TMEM248: variants seen among roughly 807,000 people sequenced by gnomAD.
The protein encoded by TMEM248 is transmembrane protein 248, also known as UPF0458 protein C7orf42.
A neutral mutation model predicts 30.3 loss-of-function variants in TMEM248; 9 were observed. That is an observed-to-expected ratio of 0.30 (90% CI 0.18 to 0.52). The LOEUF (loss-of-function observed/expected upper bound fraction) is 0.52. Among genes scored for constraint, TMEM248 ranks in the 20% least tolerant of loss-of-function variants. The pLI, the probability that TMEM248 is intolerant of heterozygous loss-of-function variation, is 0.97. For missense variants in TMEM248, 338 were observed against 403.3 expected (o/e 0.84, Z 1.39); for synonymous variants, 184 against 154.4 (o/e 1.19, Z -1.42).
intron 6 of TMEM248, among the ~76,000 whole-genome samples, chr7:66,954,097 C>T (rs918253557): frequency 1.3e-5 from 2 of 151,744 alleles, no homozygotes; most frequent in African/African-American, 4.8e-5. Context: ...GCATGTGCCA[C>T]CACACTCAGC....
In TMEM248 at chr7:66,941,918, C is replaced by G; in HGVS notation, c.53C>G (p.Pro18Arg). ...CTGAAGGTGTACATCAGCAGTCGGC[C>G]TCCCCTGGTGGTCTTCATGATCAGC... is the stretch of plus-strand genomic sequence containing the variant. The part of the protein sequence containing the change: ...ENLKVYISSR[P>R]PLVVFMISVS... Residue 18 changes from proline to arginine, a missense_variant, in exon 2 of 7, where the codon CCT becomes CGT. Transcript: ENST00000341567. 6.2e-7 allele frequency: 1 copy of G among 1,614,116 alleles called. No homozygotes were observed.
intron 2 of TMEM248, among the ~76,000 whole-genome samples, chr7:66,944,482 A>C (rs1380850265): frequency 6.6e-6 from 1 of 152,220 alleles, no homozygotes; most frequent in Admixed American, 6.5e-5. Flanking sequence ...CCAAATGAGT[A>C]TTAGTATTCA....
chr7:66,935,683 T>C lies in TMEM248; in HGVS notation c.-18-6165T>C, dbSNP rs910591965. Among the ~76,000 whole-genome samples the C allele has an allele frequency of 3.3e-5, 5 of 152,174 alleles. No individual in the cohort carries two copies. In the South Asian group the frequency reaches 1.0e-3, roughly 31 times the overall value. On this transcript the variant is annotated intron_variant, in intron 1 of 6. Coordinates refer to ENST00000341567, the MANE Select transcript of TMEM248 (RefSeq NM_017994.5). ...TCAGCCTCATGAGTAACTGGGATTA[T>C]AGATGCACACCATCGTGCCCAGCTA...
chr7:66,945,097 C>A lies in TMEM248; in HGVS notation c.281C>A (p.Ala94Asp). 1 of 1,614,248 alleles carries A rather than the reference C, an allele frequency of 6.2e-7. No homozygotes were observed. ...GAAAGTACAATGACCAGCGGGCAGG[C>A]CCGAGCTTCCACCCAGTCCCCCCAG... is the stretch of plus-strand genomic sequence containing the variant. ...TPESTMTSGQARASTQSPQAL... is the reference protein window; with the variant it reads ...TPESTMTSGQDRASTQSPQAL... Residue 94 changes from alanine to aspartate, a missense_variant, in exon 3 of 7, where the codon GCC becomes GAC. Transcript: ENST00000341567.
At chr7:66,928,291 A>G (rs1338740321) in intron 1 of TMEM248, among the ~76,000 whole-genome samples, 2 of 152,092 alleles carry the variant, frequency 1.3e-5, no homozygotes, top group African/African-American at 4.8e-5. Context: ...TGTTAAAATC[A>G]GTGACTAAAA....
intron 5 of TMEM248, among the ~76,000 whole-genome samples, chr7:66,952,073 T>C (rs543023281): frequency 6.6e-6 from 1 of 150,456 alleles, no homozygotes; most frequent in Non-Finnish European, 1.5e-5. Flanking sequence ...TTTTCTTTTT[T>C]TCTTTATTTT....
At chr7:66,938,246 C>T (rs1332312751) in intron 1 of TMEM248, among the ~76,000 whole-genome samples, 3 of 151,530 alleles carry the variant, frequency 2.0e-5, no homozygotes, top group Admixed American at 2.0e-4. Flanking sequence ...TTCTTTCTTT[C>T]CTTCCTTCCT....
chr7:66,922,499 C>G (rs973338208), intron 1 of TMEM248, among the ~76,000 whole-genome samples: 1 of 151,892 alleles, frequency 6.6e-6, no homozygotes, highest in Non-Finnish European at 1.5e-5. Context: ...GTGCATTGAC[C>G]CTAAGTGCAT....
intron 3 of TMEM248, among the ~76,000 whole-genome samples, chr7:66,946,387 G>A (rs1792107628): frequency 6.6e-6 from 1 of 151,996 alleles, no homozygotes; most frequent in Non-Finnish European, 1.5e-5. Context: ...AGACCAGTCT[G>A]GCCAACATGG....
chr7:66,933,185 G>C (rs912496254), intron 1 of TMEM248, among the ~76,000 whole-genome samples: 4 of 152,044 alleles, frequency 2.6e-5, no homozygotes, highest in Non-Finnish European at 2.9e-5. Context: ...TGGTTGTGGG[G>C]GATAAGAACT....
chr7:66,953,502 C>G, intron 6 of TMEM248, 133 bp downstream of exon 6: 1 of 1,259,550 alleles, frequency 7.9e-7, no homozygotes, highest in Non-Finnish European at 1.1e-6. Flanking sequence ...CCTTGGTATC[C>G]GAGGAGGATT....
Position 66,953,352 on chromosome 7 carries a change from G to C in TMEM248, c.907G>C (p.Glu303Gln), listed in dbSNP as rs1792317901. 6.2e-7 allele frequency: 1 copy of C among 1,613,954 alleles called. No individual in the cohort carries two copies. Among genetic ancestry groups the C allele is most frequent in the African/African-American group, 1.3e-5 (1 of 74,916 alleles). The change falls in exon 6 of 7, where the codon GAA becomes CAA. Residue 303 changes from glutamate to glutamine, a missense_variant. By Grantham distance (29) the Glu-to-Gln change is conservative. Transcript: ENST00000341567. ...RPSKLRQSNP[E>Q]FCPEKVALAE... ...TAGCAAATTGCGTCAGAGCAATCCT[G>C]AATTTTGTCCCGAGAAGGTGAGCGG...
chr7:66,949,833 C>T (rs924057862), intron 4 of TMEM248, among the ~76,000 whole-genome samples: 1 of 151,588 alleles, frequency 6.6e-6, no homozygotes, highest in East Asian at 1.9e-4. Context: ...TTTTTGGTCT[C>T]TCCTGTCTCT....
chr7:66,941,978 G>C lies in TMEM248; in HGVS notation c.113G>C (p.Gly38Ala). Residue 38 changes from glycine (G) to alanine (A), a missense_variant, in exon 2 of 7, where the codon GGC becomes GCC. Coordinates refer to ENST00000341567, the MANE Select transcript of TMEM248 (RefSeq NM_017994.5). Reference protein sequence around the residue: ...SAMAIAFLTLGYFFKIKEIKS... With the variant: ...SAMAIAFLTLAYFFKIKEIKS... ...ATGGCCATAGCTTTCCTGACCCTGG[G>C]CTACTTCTTCAAAATCAAGGAGATT... 1 of 1,614,082 alleles carries C rather than the reference G, an allele frequency of 6.2e-7. No homozygotes were observed. The highest frequency in any genetic ancestry group is 8.5e-7 in the Non-Finnish European group (1 of 1,180,016).
intron 6 of TMEM248, among the ~76,000 whole-genome samples, chr7:66,953,635 C>T (rs542990657): frequency 1.1e-4 from 16 of 152,084 alleles, no homozygotes; most frequent in African/African-American, 2.4e-4. Context: ...GATGGAGTCT[C>T]GCTCTGTCTC....
intron 5 of TMEM248, among the ~76,000 whole-genome samples, chr7:66,951,638 G>GT (rs1398477896): frequency 6.6e-6 from 1 of 151,202 alleles, no homozygotes; most frequent in Non-Finnish European, 1.5e-5. Flanking sequence ...ATCTCATCTA[G>GT]TAGCTGTGTG....
At chr7:66,951,460 C>T (rs1584416659) in intron 5 of TMEM248, 2 of 208,674 alleles carry the variant, frequency 9.6e-6, no homozygotes, top group Non-Finnish European at 1.9e-5. Flanking sequence ...TGTTCACAGA[C>T]GTTCATAGAA....
chr7:66,927,168 G>A (rs1250173927), intron 1 of TMEM248, among the ~76,000 whole-genome samples: 1 of 152,164 alleles, frequency 6.6e-6, no homozygotes, highest in Non-Finnish European at 1.5e-5. Context: ...TCCATCTTGA[G>A]ACTGTAGTGA....
intron 5 of TMEM248, 106 bp from the exon 6 acceptor site, chr7:66,953,117 AGTT>A: frequency 2.4e-6 from 3 of 1,247,470 alleles, no homozygotes; most frequent in South Asian, 1.4e-5. Flanking sequence ...TAAGAAGAAA[AGTT>A]GTGGCAAGTC....
Sources: allele counts gnomAD v4.1 joint callset (sites outside exome capture counted in the v4.1 genomes callset), GRCh38; gene constraint gnomAD v4.1.1; transcripts MANE v1.5; gene names NCBI Gene and HGNC (gene_info 2026-07-23, HGNC 2026-07-21).